SNCAIP: variants seen among roughly 807,000 people sequenced by gnomAD.
SNCAIP encodes the protein synphilin-1.
In SNCAIP, 43 loss-of-function variants were observed where a neutral mutation model predicts 86.7. The ratio of observed to expected loss-of-function variants is 0.50; its 90% CI spans 0.39 to 0.64. The LOEUF (loss-of-function observed/expected upper bound fraction) is 0.64. SNCAIP is among the 30% of genes least tolerant of loss of function. SNCAIP has a pLI of 0.00. For synonymous variants in SNCAIP, 417 were observed against 427.2 expected (o/e 0.98, Z 0.29); for missense variants, 981 against 1,103.1 (o/e 0.89, Z 1.57).
chr5:122,348,465 T>G (rs1759076678), intron 1 of SNCAIP, among the ~76,000 whole-genome samples: 4 of 152,156 alleles, frequency 2.6e-5, no homozygotes, highest in Admixed American at 2.6e-4. Context: ...ATGAAATGAC[T>G]AGTTATAAAA....
chr5:122,420,253 T>C (rs1314561178), intron 3 of SNCAIP, among the ~76,000 whole-genome samples: 1 of 152,210 alleles, frequency 6.6e-6, no homozygotes, highest in Non-Finnish European at 1.5e-5. Flanking sequence ...TTCATTTCCA[T>C]AGAGCGTTTT....
intron 7 of SNCAIP, among the ~76,000 whole-genome samples, chr5:122,442,136 G>GTTTTTTTTCT (rs1781133065): frequency 3.0e-5 from 1 of 32,804 alleles, no homozygotes; most frequent in Non-Finnish European, 7.0e-5. Context: ...TTTTTTTTTG[G>GTTTTTTTTCT]CTTACACGTG....
At chr5:122,319,667 G>A (rs1422025228) in intron 1 of SNCAIP, among the ~76,000 whole-genome samples, 1 of 152,176 alleles carries the variant, frequency 6.6e-6, no homozygotes, top group East Asian at 1.9e-4. Flanking sequence ...TGGATTTCCT[G>A]GGACTCCTTG....
chr5:122,398,772 C>T lies in SNCAIP; in HGVS notation c.58-5021C>T, dbSNP rs114976422. Among the ~76,000 whole-genome samples, 591 of 152,188 alleles carry T rather than the reference C, an allele frequency of 3.9e-3. 6 individuals carry two copies. Among genetic ancestry groups the T allele is most frequent in the African/African-American group, 0.014 (569 of 41,524 alleles). On this transcript the variant is annotated intron_variant, in intron 2 of 10. Transcript: ENST00000261368. The stretch of plus-strand genomic sequence containing the variant: ...AGTAATGTCTGCTCATTCGCTTAGT[C>T]GGCTCCAGTTTTCAGGAATAAAAGC...
chr5:122,439,430 G>T (rs1252441940), intron 6 of SNCAIP, among the ~76,000 whole-genome samples: 2 of 152,130 alleles, frequency 1.3e-5, no homozygotes, highest in Non-Finnish European at 2.9e-5. Flanking sequence ...CTTACTCCCT[G>T]GTGCTCATTT....
In SNCAIP at chr5:122,436,211, T is replaced by A. The variant is rs201870484; in HGVS notation, c.1296+4129T>A. Among the ~76,000 whole-genome samples the A allele has an allele frequency of 5.5e-3, 820 of 149,934 alleles. 12 individuals carry two copies. The highest frequency in any genetic ancestry group is 0.038 in the East Asian group (195 of 5,160). ...TAGATATTTTAATTTTTTTTTTTTTTAAAAAGAGAGAAAATATAAGAATAG... is the reference window on the plus strand; with the variant it reads ...TAGATATTTTAATTTTTTTTTTTTTAAAAAAGAGAGAAAATATAAGAATAG... On this transcript the variant is annotated intron_variant, in intron 6 of 10. Coordinates refer to ENST00000261368, the MANE Select transcript of SNCAIP (RefSeq NM_005460.4).
In SNCAIP at chr5:122,440,619, G is replaced by C. The variant is rs1581274273; in HGVS notation, c.1297-10G>C. 3 of 1,612,862 alleles carry C rather than the reference G, an allele frequency of 1.9e-6. No individual in the cohort carries two copies. In the East Asian group the frequency reaches 6.7e-5, roughly 36 times the overall value. On this transcript the variant is annotated splice_polypyrimidine_tract_variant and intron_variant, in intron 6 of 10. Coordinates refer to ENST00000261368, the MANE Select transcript of SNCAIP (RefSeq NM_005460.4). Reference sequence around the variant, plus strand: ...TATTACATGAATTCCAACTGTCTTTGTGTTTATAGGAAAAGATTCTTCTGT... The same window carrying C: ...TATTACATGAATTCCAACTGTCTTTCTGTTTATAGGAAAAGATTCTTCTGT...
Position 122,422,943 on chromosome 5 carries a change from T to C in SNCAIP, c.206T>C (p.Val69Ala). ...NTQKPTGIAD[V>A]YSKFRPVKRV... ...CAAAAGCCCACAGGAATCGCTGATG[T>C]GTACAGTAAGTTCCGCCCAGTGAAG... Residue 69 changes from valine (V) to alanine (A), a missense_variant, in exon 4 of 11, where the codon GTG (valine) becomes GCG (alanine). Physicochemically the swap from Val to Ala is moderately conservative, Grantham distance 64 (BLOSUM62 0). Coordinates refer to ENST00000261368, the MANE Select transcript of SNCAIP (RefSeq NM_005460.4). 1 of 1,614,186 alleles carries C rather than the reference T, an allele frequency of 6.2e-7. No individual in the cohort carries two copies. The highest frequency in any genetic ancestry group is 8.5e-7 in the Non-Finnish European group (1 of 1,180,002).
At chr5:122,328,276 T>G (rs1175553758) in intron 1 of SNCAIP, among the ~76,000 whole-genome samples, 1 of 152,230 alleles carries the variant, frequency 6.6e-6, no homozygotes, top group African/African-American at 2.4e-5. Context: ...AAATTTGTAT[T>G]TCTAGTCCTG....
intron 10 of SNCAIP, among the ~76,000 whole-genome samples, chr5:122,460,512 TCTCTCTTTCC>T (rs1310067121): frequency 6.6e-6 from 1 of 150,488 alleles, no homozygotes; most frequent in Non-Finnish European, 1.5e-5. Flanking sequence ...TTGTTCTGTC[TCTCTCTTTCC>T]CTCTCTTTCC....
At chr5:122,412,370 C>G (rs190467112) in intron 3 of SNCAIP, among the ~76,000 whole-genome samples, 1 of 152,160 alleles carries the variant, frequency 6.6e-6, no homozygotes, top group Admixed American at 6.5e-5. Flanking sequence ...GGCTTCCATG[C>G]TGTCAAATGC....
At chr5:122,436,502 T>C (rs1259799531) in intron 6 of SNCAIP, 2 of 152,232 alleles carry the variant, frequency 1.3e-5, no homozygotes, top group East Asian at 1.9e-4. Flanking sequence ...ATTTAATCAA[T>C]TCTTAGGTGC....
intron 3 of SNCAIP, among the ~76,000 whole-genome samples, chr5:122,414,751 G>C (rs2152905557): frequency 6.6e-6 from 1 of 152,336 alleles, no homozygotes; most frequent in African/African-American, 2.4e-5. Context: ...GTCCTCCAGT[G>C]TTACGGGAAG....
rs189066537 is a variant in SNCAIP at position 122,405,944 on chromosome 5, G to T, written c.130+2079G>T. ...TTTGAACTTTACTCACAGCAAAGGC[G>T]CAGTGCTCAAGGTAATCAGTAATCA... On this transcript the variant is annotated intron_variant, in intron 3 of 10. Coordinates refer to ENST00000261368, the MANE Select transcript of SNCAIP (RefSeq NM_005460.4). Among the ~76,000 whole-genome samples, 14 of 152,244 alleles carry T rather than the reference G, an allele frequency of 9.2e-5. No homozygotes were observed. The East Asian group carries it at 2.5e-3, about 27-fold the overall frequency.
intron 1 of SNCAIP, among the ~76,000 whole-genome samples, chr5:122,363,874 G>C (rs1232482705): frequency 6.6e-6 from 1 of 151,642 alleles, no homozygotes; most frequent in Admixed American, 6.6e-5. Flanking sequence ...CCAGGCTGGA[G>C]TGCAGTTATG....
intron 3 of SNCAIP, among the ~76,000 whole-genome samples, chr5:122,416,900 G>A (rs1775426194): frequency 1.3e-5 from 2 of 152,260 alleles, no homozygotes; most frequent in East Asian, 1.9e-4. Context: ...ATGGATGTGA[G>A]GTATATTGTT....
chr5:122,385,896 G>A (rs985496717), intron 1 of SNCAIP, among the ~76,000 whole-genome samples: 7 of 152,130 alleles, frequency 4.6e-5, no homozygotes, highest in African/African-American at 1.2e-4. Context: ...GAGCAATAGC[G>A]ACTTTGGCAG....
intron 1 of SNCAIP, among the ~76,000 whole-genome samples, chr5:122,361,260 A>G (rs1415057569): frequency 1.3e-5 from 2 of 150,422 alleles, no homozygotes; most frequent in Admixed American, 6.6e-5. Flanking sequence ...TCATACTCTT[A>G]TGAAGTATCT....
At chr5:122,436,613 T>C (rs1026614208) in intron 6 of SNCAIP, 2 of 152,170 alleles carry the variant, frequency 1.3e-5, no homozygotes, top group African/African-American at 4.8e-5. Flanking sequence ...TTTTTACATC[T>C]CAAAAACTGG....
Sources: gnomAD v4.1 joint callset for allele counts (sites outside exome capture counted in the v4.1 genomes callset) on GRCh38, gnomAD v4.1.1 for gene constraint, MANE v1.5 for transcripts, NCBI Gene and HGNC (gene_info 2026-07-23, HGNC 2026-07-21) for gene names.